The following DTWD2 variants were observed in gnomAD, a reference collection of about 807,000 sequenced individuals.
DTWD2 encodes the protein DTW motif tRNA-uridine aminocarboxypropyltransferase 2, also known as tRNA-uridine aminocarboxypropyltransferase 2.
In DTWD2, 39 loss-of-function variants were observed where a neutral mutation model predicts 31.8. The ratio of observed to expected loss-of-function variants is 1.22; its 90% CI spans 0.95 to 1.60. DTWD2 has a LOEUF of 1.60. Ranked by LOEUF, DTWD2 falls within the 40% of genes most tolerant of loss-of-function variation. The pLI, the probability that DTWD2 is intolerant of heterozygous loss-of-function variation, is 0.00. For missense variants in DTWD2, 515 were observed against 381.5 expected (o/e 1.35, Z -2.92); for synonymous variants, 180 against 142.8 (o/e 1.26, Z -1.86).
intron 1 of DTWD2, among the ~76,000 whole-genome samples, chr5:118,966,004 T>A (rs1323022039): frequency 1.3e-5 from 2 of 150,566 alleles, no homozygotes; most frequent in African/African-American, 4.9e-5. Context: ...CAGGAAGAAG[T>A]ATCTCTTAAT....
intron 1 of DTWD2, among the ~76,000 whole-genome samples, chr5:118,973,642 AG>A (rs1755047575): frequency 6.7e-6 from 1 of 149,062 alleles, no homozygotes; most frequent in Non-Finnish European, 1.5e-5. Context: ...TGCTCGCGGC[AG>A]CCTCCTTGCT....
chr5:118,960,210 C>G (rs1236589197), intron 1 of DTWD2, among the ~76,000 whole-genome samples: 1 of 152,006 alleles, frequency 6.6e-6, no homozygotes, highest in East Asian at 1.9e-4. Flanking sequence ...GTCTAATATT[C>G]AGAATCTACA....
chr5:118,927,838 T>C (rs1414994072), intron 4 of DTWD2, among the ~76,000 whole-genome samples: 1 of 152,166 alleles, frequency 6.6e-6, no homozygotes, highest in Middle Eastern at 3.2e-3. Flanking sequence ...ATTTAAACTA[T>C]TCCAGGTCAT....
chr5:118,851,439 A>T (rs1053170928), intron 4 of DTWD2, among the ~76,000 whole-genome samples: 1 of 151,980 alleles, frequency 6.6e-6, no homozygotes, highest in Non-Finnish European at 1.5e-5. Context: ...AGTTTTATTA[A>T]GGATTTCAAA....
At chr5:118,947,952 GAAGT>G (rs1205047939) in intron 1 of DTWD2, among the ~76,000 whole-genome samples, 1 of 152,132 alleles carries the variant, frequency 6.6e-6, no homozygotes, top group African/African-American at 2.4e-5. Flanking sequence ...AAAATGAATT[GAAGT>G]TAGACTCACT....
At chr5:118,908,566 A>C (rs1293303383) in intron 4 of DTWD2, among the ~76,000 whole-genome samples, 1 of 152,130 alleles carries the variant, frequency 6.6e-6, no homozygotes, top group African/African-American at 2.4e-5. Context: ...GAGTAAATTC[A>C]AATTTGTAGA....
chr5:118,884,602 T>C (rs890744032), intron 4 of DTWD2, among the ~76,000 whole-genome samples: 6 of 152,176 alleles, frequency 3.9e-5, no homozygotes, highest in African/African-American at 2.4e-5. Flanking sequence ...CCAATTAAAA[T>C]TTTTTTAATC....
chr5:118,959,746 C>T (rs1269044828), intron 1 of DTWD2, among the ~76,000 whole-genome samples: 3 of 152,126 alleles, frequency 2.0e-5, no homozygotes, highest in Admixed American at 6.6e-5. Flanking sequence ...GGTACTGGTA[C>T]AAAAACAGAC....
chr5:118,951,847 C>T (rs1003354888), intron 1 of DTWD2, among the ~76,000 whole-genome samples: 2 of 152,094 alleles, frequency 1.3e-5, no homozygotes, highest in Non-Finnish European at 2.9e-5. Context: ...GGCAGGCGTC[C>T]CCATGGTGAT....
intron 4 of DTWD2, among the ~76,000 whole-genome samples, chr5:118,921,414 G>C (rs1258872966): frequency 6.6e-6 from 1 of 151,732 alleles, no homozygotes; most frequent in Non-Finnish European, 1.5e-5. Context: ...ACTGAGGTCA[G>C]AGGCTGAGGT....
chr5:118,950,190 G>A (rs1754429892), intron 1 of DTWD2, among the ~76,000 whole-genome samples: 1 of 140,924 alleles, frequency 7.1e-6, no homozygotes, highest in East Asian at 2.1e-4. Context: ...TCCAGCCTCG[G>A]TGACAGAGTG....
intron 1 of DTWD2, among the ~76,000 whole-genome samples, chr5:118,956,798 C>CG (rs1306972685): frequency 6.6e-6 from 1 of 152,004 alleles, no homozygotes; most frequent in Non-Finnish European, 1.5e-5. Flanking sequence ...CCTAACATAG[C>CG]GAAAAAGCAA....
At chr5:118,964,217 C>CAAA (rs34712667) in intron 1 of DTWD2, among the ~76,000 whole-genome samples, 1 of 84,760 alleles carries the variant, frequency 1.2e-5, no homozygotes, top group African/African-American at 4.2e-5. Context: ...GACTCCATCT[C>CAAA]AAAAAAAAAA....
At chr5:118,973,072 C>A (rs1755025557) in intron 1 of DTWD2, among the ~76,000 whole-genome samples, 1 of 146,412 alleles carries the variant, frequency 6.8e-6, no homozygotes, top group Non-Finnish European at 1.5e-5. Context: ...ACTAGGATTG[C>A]AACCCCCTTT....
chr5:118,906,391 C>T (rs2217310), intron 4 of DTWD2, among the ~76,000 whole-genome samples: 37,689 of 152,076 alleles, frequency 0.25, 8,537 homozygotes, highest in African/African-American at 0.61. Context: ...CAAATACTTG[C>T]ATATGAACGT....
At chr5:118,900,667 C>A (rs527574375) in intron 4 of DTWD2, among the ~76,000 whole-genome samples, 8 of 152,212 alleles carry the variant, frequency 5.3e-5, no homozygotes, top group African/African-American at 1.7e-4. Flanking sequence ...TGGCTCACGC[C>A]TGTAATCCCA....
intron 1 of DTWD2, among the ~76,000 whole-genome samples, chr5:118,968,247 T>C (rs1754898376): frequency 6.7e-6 from 1 of 149,606 alleles, no homozygotes; most frequent in African/African-American, 2.5e-5. Flanking sequence ...TAGAGAGGAC[T>C]AACAAGACAT....
At chr5:118,971,299 G>A (rs1465090443) in intron 1 of DTWD2, among the ~76,000 whole-genome samples, 1 of 152,106 alleles carries the variant, frequency 6.6e-6, no homozygotes, top group Non-Finnish European at 1.5e-5. Flanking sequence ...AATTTACCAA[G>A]CAAATGGAAA....
intron 4 of DTWD2, among the ~76,000 whole-genome samples, chr5:118,878,617 T>C (rs1471759733): frequency 6.6e-6 from 1 of 152,122 alleles, no homozygotes; most frequent in African/African-American, 2.4e-5. Flanking sequence ...AAAATCTTTG[T>C]TGACAATGTC....
Sources: allele counts gnomAD v4.1 joint callset (sites outside exome capture counted in the v4.1 genomes callset), GRCh38; gene constraint gnomAD v4.1.1; transcripts MANE v1.5; gene names NCBI Gene and HGNC (gene_info 2026-07-23, HGNC 2026-07-21).